EIF3I: variants seen among roughly 807,000 people sequenced by gnomAD.
The protein encoded by EIF3I is eukaryotic translation initiation factor 3 subunit I.
EIF3I carries 20 observed loss-of-function variants against 43.3 expected under a neutral mutation model. The ratio of observed to expected loss-of-function variants is 0.46; its 90% CI spans 0.32 to 0.67. The LOEUF is 0.67. EIF3I is among the 30% of genes least tolerant of loss of function. The pLI is 0.03. For missense variants in EIF3I, 279 were observed against 421.4 expected (o/e 0.66, Z 2.96); for synonymous variants, 167 against 151.7 (o/e 1.10, Z -0.74).
intron 4 of EIF3I, among the ~76,000 whole-genome samples, chr1:32,225,861 A>G (rs1302665464): frequency 6.6e-6 from 1 of 151,902 alleles, no homozygotes; most frequent in Non-Finnish European, 1.5e-5. Context: ...CTCTACTAAA[A>G]ATACAAAAAA....
chr1:32,228,852 C>T lies in EIF3I; in HGVS notation c.729+36C>T, dbSNP rs543244365. On this transcript the variant is annotated intron_variant, in intron 8 of 11. Transcript: ENST00000676679. ...CCCACCTGCCTTCCTGCTGAAGCCT[C>T]AGGAAGCTTCCAAGTTCTAGATGCT... is the stretch of plus-strand genomic sequence containing the variant. 9 of 1,542,508 alleles carry T rather than the reference C, an allele frequency of 5.8e-6. No homozygotes were observed. In the South Asian group the frequency reaches 1.0e-4, roughly 18 times the overall value.
At chr1:32,232,935 T>G (rs370366156), downstream of EIF3I, among the ~76,000 whole-genome samples, 8 of 152,214 alleles carry the variant, frequency 5.3e-5, no homozygotes, top group African/African-American at 1.9e-4. Flanking sequence ...CTGGGACTGA[T>G]AGGCAGCATA....
At chr1:32,232,543 A>G (rs1343509494), downstream of EIF3I, among the ~76,000 whole-genome samples, 1 of 152,210 alleles carries the variant, frequency 6.6e-6, no homozygotes, top group East Asian at 1.9e-4. Context: ...GAGCCAAAGA[A>G]AGAAGGCGGG....
At chr1:32,224,190 T>G (rs1387215589) in intron 3 of EIF3I, 69 bp downstream of exon 3, 1 of 1,513,742 alleles carries the variant, frequency 6.6e-7, no homozygotes, top group African/African-American at 1.4e-5. Context: ...GAGTTGGGAG[T>G]TGGGAGTTGG....
intron 9 of EIF3I, 67 bp downstream of exon 9, chr1:32,229,275 T>C (rs1360334131): frequency 6.4e-7 from 1 of 1,553,176 alleles, no homozygotes; most frequent in Non-Finnish European, 8.8e-7. Flanking sequence ...TTGTTTTTGT[T>C]TTTGAGATGG....
rs555761218 is a variant in EIF3I at position 32,225,999 on chromosome 1, G to A, written c.251-172G>A. ...GATTGCACCACTGCACTCCAGCCTG[G>A]GCAACAGAGTGAAACTGTCTCAAAA... On this transcript the variant is annotated intron_variant, in intron 4 of 11. Coordinates refer to ENST00000676679, the Ensembl canonical transcript of EIF3I. 626 of 828,096 alleles carry A rather than the reference G, an allele frequency of 7.6e-4. 3 individuals carry two copies. Among genetic ancestry groups the A allele is most frequent in the Middle Eastern group, 4.8e-3 (12 of 2,518 alleles). 51.3% of individuals were successfully genotyped at this position (828,096 alleles called of 1,614,324 possible).
intron 2 of EIF3I, 104 bp downstream of exon 2, chr1:32,222,734 A>G: frequency 8.4e-7 from 1 of 1,194,664 alleles, no homozygotes; most frequent in Admixed American, 1.8e-5. Context: ...AGAGCAGCCC[A>G]TTGTGAGAAG....
chr1:32,227,274 C>CT (rs1257553160), intron 6 of EIF3I, among the ~76,000 whole-genome samples: 2 of 88,014 alleles, frequency 2.3e-5, no homozygotes, highest in South Asian at 3.6e-4. Context: ...GACCCTGTCT[C>CT]TAAAAAAAAA....
chr1:32,234,930 C>T (rs1639280568), downstream of EIF3I: 1 of 152,738 alleles, frequency 6.5e-6, no homozygotes, highest in African/African-American at 2.4e-5. Flanking sequence ...TCACCCTATT[C>T]TCTATGTCAA....
chr1:32,231,596 G>A, downstream of EIF3I: 1 of 182,760 alleles, frequency 5.5e-6, no homozygotes, highest in South Asian at 1.0e-4. Flanking sequence ...AATGGCTTCT[G>A]GTCAGATATT....
intron 9 of EIF3I, 56 bp downstream of exon 9, chr1:32,229,264 T>C (rs922878675): frequency 6.3e-7 from 1 of 1,576,588 alleles, no homozygotes; most frequent in African/African-American, 1.4e-5. Flanking sequence ...ACCTTTTTTG[T>C]TTGTTTTTGT....
chr1:32,234,989 G>C (rs1639281048), downstream of EIF3I: 2 of 152,906 alleles, frequency 1.3e-5, no homozygotes, highest in Admixed American at 1.3e-4. Flanking sequence ...GTGGTGCTCA[G>C]TGCCTGCTTT....
chr1:32,235,778 A>G (rs1024617757), downstream of EIF3I, among the ~76,000 whole-genome samples: 29 of 152,290 alleles, frequency 1.9e-4, 1 homozygote, highest in Admixed American at 1.4e-3. Context: ...CCCTTGATGT[A>G]CACCAGTCTG....
intron 4 of EIF3I, among the ~76,000 whole-genome samples, 176 bp downstream of exon 4, chr1:32,224,651 A>C (rs1425821921): frequency 6.6e-6 from 1 of 150,522 alleles, no homozygotes; most frequent in East Asian, 2.0e-4. Context: ...AGCATAGATT[A>C]AGTTTTCTTT....
chr1:32,228,873 A>G lies in EIF3I; in HGVS notation c.729+57A>G. Reference sequence around the variant, plus strand: ...GCCTCAGGAAGCTTCCAAGTTCTAGATGCTTGTCCAGAAGTTGGGCTACAA... The same window carrying G: ...GCCTCAGGAAGCTTCCAAGTTCTAGGTGCTTGTCCAGAAGTTGGGCTACAA... On this transcript the variant is annotated intron_variant, in intron 8 of 11. Coordinates refer to ENST00000676679, the Ensembl canonical transcript of EIF3I. 4 of 1,426,332 alleles carry G rather than the reference A, an allele frequency of 2.8e-6. No homozygotes were observed. In the East Asian group the frequency reaches 6.8e-5, roughly 24 times the overall value. 88.4% of individuals were successfully genotyped at this position (1,426,332 alleles called of 1,614,324 possible).
chr1:32,224,198 TGGG>T, intron 3 of EIF3I, 77 bp downstream of exon 3: 2 of 1,466,382 alleles, frequency 1.4e-6, no homozygotes, highest in South Asian at 1.1e-5. Context: ...AGTTGGGAGT[TGGG>T]GGTGCTGTTG....
chr1:32,223,580 C>T (rs1016941687), intron 2 of EIF3I, among the ~76,000 whole-genome samples: 2 of 152,144 alleles, frequency 1.3e-5, no homozygotes, highest in African/African-American at 4.8e-5. Context: ...TCACCACACC[C>T]GGCCTGGCCA....
chr1:32,225,472 G>A (rs567652526), intron 4 of EIF3I, among the ~76,000 whole-genome samples: 1 of 152,222 alleles, frequency 6.6e-6, no homozygotes, highest in African/African-American at 2.4e-5. Context: ...GCCAGGTGTG[G>A]TGGCTCACGC....
chr1:32,226,458 T>C, exon 6 of EIF3I: 1 of 1,602,162 alleles, frequency 6.2e-7, no homozygotes, highest in Non-Finnish European at 8.5e-7. Flanking sequence ...TCACCAGTGC[T>C]GTTTGGGGAC....
Sources: allele counts gnomAD v4.1 joint callset (sites outside exome capture counted in the v4.1 genomes callset), GRCh38; gene constraint gnomAD v4.1.1; transcripts MANE v1.5; gene names NCBI Gene and HGNC (gene_info 2026-07-23, HGNC 2026-07-21).